The following NCOA1 variants were observed in gnomAD, a reference collection of about 807,000 sequenced individuals.
NCOA1 encodes Hin-2 protein.
NCOA1 carries 35 observed loss-of-function variants against 150.9 expected under a neutral mutation model. That is an observed-to-expected ratio of 0.23 (90% CI 0.18 to 0.31). The LOEUF (loss-of-function observed/expected upper bound fraction) is 0.31. Ranked by LOEUF, NCOA1 falls within the 10% of genes least tolerant of loss-of-function variation. NCOA1 has a pLI of 1.00. For synonymous variants in NCOA1, 590 were observed against 630.0 expected, an observed-to-expected ratio of 0.94 and a Z score of 0.95; for missense variants, 1,491 against 1,749.3, an observed-to-expected ratio of 0.85 and a Z score of 2.63.
At chr2:24,560,134 C>G (rs916344844) in intron 1 of NCOA1, among the ~76,000 whole-genome samples, 1 of 152,156 alleles carries the variant, frequency 6.6e-6, no homozygotes, top group Non-Finnish European at 1.5e-5. Flanking sequence ...AATCTTGCAA[C>G]TGAGAGAACT....
chr2:24,711,199 T>G, intron 14 of NCOA1, 88 bp downstream of exon 14: 2 of 1,298,384 alleles, frequency 1.5e-6, no homozygotes, highest in South Asian at 1.7e-5. Flanking sequence ...CACAGATCCT[T>G]TGCTTAAGAG....
chr2:24,707,070 T>C lies in NCOA1; in HGVS notation c.1600T>C (p.Ser534Pro). 6.2e-7 allele frequency: 1 copy of C among 1,614,186 alleles called. No individual in the cohort carries two copies. Among genetic ancestry groups the C allele is most frequent in the Non-Finnish European group, 8.5e-7 (1 of 1,180,030 alleles). ...CTGTAATAATAATAACCGATCTTAT[T>C]CAAACATCCCAGTAACATCTTTACA... ...SACNNNNRSY[S>P]NIPVTSLQGM... Residue 534 changes from serine to proline, a missense_variant, in exon 13 of 23, where the codon TCA (serine) becomes CCA (proline). Around this residue, in one of 8 missense-constraint regions of NCOA1, gnomAD observed 703 missense variants for 717.7 expected, o/e 0.98. Transcript: ENST00000348332.
Position 24,673,472 on chromosome 2 carries a change from C to G in NCOA1, c.354+9C>G. The G allele has an allele frequency of 6.4e-7, 1 of 1,551,202 alleles. No homozygotes were observed. Among genetic ancestry groups the G allele is most frequent in the Middle Eastern group, 1.7e-4 (1 of 5,940 alleles). ...GACCTCTTCTTTTGGAGGTAGGTGT[C>G]TTCATTGACTCAGAAAGTGATTAAA... On this transcript the variant is annotated intron_variant, in intron 7 of 22. Coordinates refer to ENST00000348332, the MANE Select transcript of NCOA1 (RefSeq NM_003743.5).
At chr2:24,517,006 A>ACG (rs1558758878) in intron 1 of NCOA1, among the ~76,000 whole-genome samples, 2 of 24,492 alleles carry the variant, frequency 8.2e-5, no homozygotes, top group East Asian at 1.9e-3. Context: ...ACACGCGCGC[A>ACG]CACACACACA....
chr2:24,762,878 G>A, intron 22 of NCOA1, 102 bp downstream of exon 22: 1 of 995,066 alleles, frequency 1.0e-6, no homozygotes, highest in Non-Finnish European at 1.6e-6. Context: ...AGTCAGACCT[G>A]GGTGTGAGTC....
intron 3 of NCOA1, among the ~76,000 whole-genome samples, chr2:24,640,660 T>G (rs755215141): frequency 1.7e-4 from 26 of 152,284 alleles, no homozygotes; most frequent in Middle Eastern, 3.4e-3. Flanking sequence ...TTCTTTAAAA[T>G]TCTGATTCTG....
chr2:24,701,793 T>C (rs116110979), intron 11 of NCOA1, among the ~76,000 whole-genome samples: 244 of 152,350 alleles, frequency 1.6e-3, no homozygotes, highest in Non-Finnish European at 2.6e-3. Flanking sequence ...TGAGGATCGC[T>C]TGAGCACAGG....
rs773863763 is a variant in NCOA1 at position 24,707,024 on chromosome 2, C to G, written c.1554C>G (p.Pro518=). 5.6e-6 allele frequency: 9 copies of G among 1,614,054 alleles called. No homozygotes were observed. In the South Asian group the frequency reaches 9.9e-5, roughly 18 times the overall value. The change falls in exon 13 of 23, where the codon CCC becomes CCG. Residue 518 remains proline, a synonymous_variant. Transcript: ENST00000348332. ...CTAATATTTCGACATTAAGCTCTCC[C>G]GTTGGCATGACAAGTAGTGCCTGTA... The part of the protein sequence containing the change: ...FPPNISTLSS[P]VGMTSSACNN...
chr2:24,609,544 G>A (rs1041144517), intron 3 of NCOA1, among the ~76,000 whole-genome samples: 9 of 152,154 alleles, frequency 5.9e-5, no homozygotes, highest in African/African-American at 2.2e-4. Context: ...TTGGAGCCCA[G>A]GAGTTAAAAG....
chr2:24,728,116 A>G (rs955384456), intron 15 of NCOA1, among the ~76,000 whole-genome samples, 192 bp from the exon 16 acceptor site: 3 of 152,260 alleles, frequency 2.0e-5, no homozygotes, highest in African/African-American at 7.2e-5. Context: ...AATGAAAACT[A>G]TATTCAAGCT....
intron 17 of NCOA1, among the ~76,000 whole-genome samples, chr2:24,736,083 T>C (rs1364265244): frequency 6.6e-6 from 1 of 151,828 alleles, no homozygotes; most frequent in Non-Finnish European, 1.5e-5. Context: ...TAGCCAGGCA[T>C]GGTGGCACAT....
intron 3 of NCOA1, among the ~76,000 whole-genome samples, chr2:24,597,563 A>C (rs1234401586): frequency 6.6e-6 from 1 of 152,064 alleles, no homozygotes; most frequent in Non-Finnish European, 1.5e-5. Context: ...GGTGCTGGAG[A>C]GTCTGAAATC....
chr2:24,707,177 A>G lies in NCOA1; in HGVS notation c.1707A>G (p.Ser569=). The change falls in exon 13 of 23, where the codon TCA becomes TCG. Residue 569 remains serine (S), a synonymous_variant. Coordinates refer to ENST00000348332, the MANE Select transcript of NCOA1 (RefSeq NM_003743.5). ...TCAGGCAGATGAGCTCACAGAATTC[A>G]CCTAGCAGATTAAATATACAACCAG... ...PVLRQMSSQN[S]PSRLNIQPAK... 1 of 1,614,236 alleles carries G rather than the reference A, an allele frequency of 6.2e-7. No homozygotes were observed. The highest frequency in any genetic ancestry group is 8.5e-7 in the Non-Finnish European group (1 of 1,180,042).
intron 1 of NCOA1, among the ~76,000 whole-genome samples, chr2:24,520,553 A>C (rs1378834550): frequency 4.6e-5 from 7 of 152,324 alleles, no homozygotes; most frequent in African/African-American, 1.7e-4. Context: ...CTTAATCAAT[A>C]GTGAAAGAGT....
intron 3 of NCOA1, among the ~76,000 whole-genome samples, chr2:24,587,077 C>T (rs1667444103): frequency 6.6e-6 from 1 of 151,170 alleles, no homozygotes; most frequent in Non-Finnish European, 1.5e-5. Context: ...AACAGACTGG[C>T]TTTGAGGCAG....
At chr2:24,762,587 C>G (rs1262446827) in intron 21 of NCOA1, 100 bp from the exon 22 acceptor site, 3 of 994,440 alleles carry the variant, frequency 3.0e-6, no homozygotes, top group Non-Finnish European at 4.7e-6. Context: ...TTGCTGTGCT[C>G]CTATTACTTT....
At position 24,682,077 on chromosome 2, in the gene NCOA1, T is replaced by A. The variant is rs1340960655; in HGVS notation, c.355-874T>A. 2.6e-5 allele frequency among the ~76,000 whole-genome samples: 4 copies of A among 152,320 alleles called. No individual in the cohort carries two copies. In the South Asian group the frequency reaches 6.2e-4, roughly 24 times the overall value. On this transcript the variant is annotated intron_variant, in intron 7 of 22. Coordinates refer to ENST00000348332, the MANE Select transcript of NCOA1 (RefSeq NM_003743.5). Reference sequence around the variant, plus strand: ...AGCATTGTTAGATAGGTCTTTTAATTTCGCCGTAGATAACCAGCAGACCCT... The same window carrying A: ...AGCATTGTTAGATAGGTCTTTTAATATCGCCGTAGATAACCAGCAGACCCT...
At chr2:24,693,478 C>A in intron 10 of NCOA1, 131 bp downstream of exon 10, 1 of 727,022 alleles carries the variant, frequency 1.4e-6, no homozygotes, top group Non-Finnish European at 2.3e-6. Context: ...ATACAGAAAA[C>A]ATTTTAAATG....
intron 17 of NCOA1, among the ~76,000 whole-genome samples, chr2:24,732,940 AG>A (rs1303445399): frequency 1.3e-5 from 2 of 151,598 alleles, no homozygotes; most frequent in Non-Finnish European, 2.9e-5. Flanking sequence ...AAAAAAAAAA[AG>A]TAAAAAGGGG....
Sources: gnomAD v4.1 joint callset for allele counts (sites outside exome capture counted in the v4.1 genomes callset) on GRCh38, gnomAD v4.1.1 for gene constraint, gnomAD v4.1.1 regional missense constraint, MANE v1.5 for transcripts, NCBI Gene and HGNC (gene_info 2026-07-23, HGNC 2026-07-21) for gene names.